LRP1B: variants seen among roughly 807,000 people sequenced by gnomAD.
LRP1B encodes low-density lipoprotein receptor-related protein 1B.
LRP1B carries 217 observed loss-of-function variants against 556.6 expected under a neutral mutation model. The observed-to-expected ratio is 0.39, with a 90% confidence interval of 0.35 to 0.44. LRP1B has a LOEUF of 0.44. Among genes scored for constraint, LRP1B ranks in the 20% least tolerant of loss-of-function variants. The probability of loss-of-function intolerance (pLI) is 1.00; values close to 1 mark genes in which losing one functional copy is unlikely to be tolerated. For missense variants in LRP1B, 5,053 were observed against 5,620.8 expected (o/e 0.90, Z 3.23); for synonymous variants, 2,047 against 1,865.8 (o/e 1.10, Z -2.50).
intron 2 of LRP1B, among the ~76,000 whole-genome samples, chr2:141,605,829 A>G (rs1047417480): frequency 1.1e-4 from 17 of 152,200 alleles, no homozygotes; most frequent in African/African-American, 3.6e-4. Flanking sequence ...CTCATAGTCA[A>G]TGTCAAAAGA....
chr2:140,377,792 GAAGA>G (rs1172271174), intron 68 of LRP1B, among the ~76,000 whole-genome samples: 10 of 152,110 alleles, frequency 6.6e-5, no homozygotes, highest in African/African-American at 2.2e-4. Flanking sequence ...TATATCTATT[GAAGA>G]AAGAGACTGG....
chr2:140,755,948 TA>T, intron 35 of LRP1B, among the ~76,000 whole-genome samples: 1 of 152,096 alleles, frequency 6.6e-6, no homozygotes, highest in South Asian at 2.1e-4. Context: ...TGATCTTGTA[TA>T]GAGAAAATCC....
intron 45 of LRP1B, among the ~76,000 whole-genome samples, chr2:140,537,143 C>A (rs566165488): frequency 4.0e-5 from 6 of 148,982 alleles, no homozygotes; most frequent in African/African-American, 1.5e-4. Context: ...TGCACTCCAG[C>A]CTGGGCAACA....
chr2:140,531,131 C>A (rs1312539043), intron 47 of LRP1B, among the ~76,000 whole-genome samples: 1 of 152,038 alleles, frequency 6.6e-6, no homozygotes, highest in African/African-American at 2.4e-5. Flanking sequence ...CTGGAGAAAA[C>A]CCATAGTAAC....
At chr2:140,936,339 C>CAAAAAAAAAAAA (rs59717868) in intron 20 of LRP1B, among the ~76,000 whole-genome samples, 2 of 86,824 alleles carry the variant, frequency 2.3e-5, no homozygotes, top group Admixed American at 1.4e-4. Context: ...GACTCCGTCT[C>CAAAAAAAAAAAA]AAAAAAAAAA....
intron 1 of LRP1B, among the ~76,000 whole-genome samples, chr2:142,102,290 A>AAATG (rs1706594573): frequency 6.6e-6 from 1 of 151,820 alleles, no homozygotes; most frequent in African/African-American, 2.4e-5. Context: ...ATTCCTCATT[A>AAATG]AATGCCTGAA....
chr2:140,434,029 C>T (rs75804841), intron 66 of LRP1B, among the ~76,000 whole-genome samples: 1,787 of 151,746 alleles, frequency 0.012, 36 homozygotes, highest in African/African-American at 0.041. Context: ...TTCTATGGCC[C>T]TTGAATAGTA....
intron 66 of LRP1B, among the ~76,000 whole-genome samples, chr2:140,430,768 T>C (rs1558877353): frequency 6.6e-6 from 1 of 152,210 alleles, no homozygotes; most frequent in Admixed American, 6.5e-5. Flanking sequence ...TTAGAACATC[T>C]CATTTCCTTT....
intron 77 of LRP1B, among the ~76,000 whole-genome samples, chr2:140,339,782 T>C (rs1317945290): frequency 6.6e-6 from 1 of 151,584 alleles, no homozygotes; most frequent in Non-Finnish European, 1.5e-5. Context: ...CATACAGCAG[T>C]GGAGAAATCC....
At chr2:141,637,360 C>T (rs917679847) in intron 2 of LRP1B, among the ~76,000 whole-genome samples, 6 of 152,140 alleles carry the variant, frequency 3.9e-5, no homozygotes, top group Non-Finnish European at 7.4e-5. Flanking sequence ...ACAGATATTG[C>T]AATTAAAATT....
At chr2:141,129,690 A>G (rs1024840441) in intron 7 of LRP1B, among the ~76,000 whole-genome samples, 1 of 152,064 alleles carries the variant, frequency 6.6e-6, no homozygotes, top group Non-Finnish European at 1.5e-5. Flanking sequence ...TATCTAAAAA[A>G]CCCAAGAGAT....
intron 7 of LRP1B, among the ~76,000 whole-genome samples, chr2:141,173,496 C>T (rs570050011): frequency 6.6e-6 from 1 of 152,126 alleles, no homozygotes; most frequent in African/African-American, 2.4e-5. Flanking sequence ...ACCCATGCTA[C>T]ACATGGCATT....
intron 18 of LRP1B, among the ~76,000 whole-genome samples, chr2:140,976,228 C>G (rs1237388647): frequency 1.3e-5 from 2 of 151,656 alleles, no homozygotes; most frequent in Non-Finnish European, 2.9e-5. Flanking sequence ...CTACTCTTCT[C>G]TTCCTCTCTT....
intron 66 of LRP1B, among the ~76,000 whole-genome samples, chr2:140,392,874 A>G (rs1221602413): frequency 6.6e-6 from 1 of 151,988 alleles, no homozygotes; most frequent in Non-Finnish European, 1.5e-5. Context: ...ATACACCACA[A>G]AGTTTTTCCA....
intron 60 of LRP1B, among the ~76,000 whole-genome samples, chr2:140,469,068 C>A (rs1387859172): frequency 6.6e-6 from 1 of 152,086 alleles, no homozygotes; most frequent in Non-Finnish European, 1.5e-5. Flanking sequence ...CTATTGAGAT[C>A]AAATAAGTGT....
intron 1 of LRP1B, among the ~76,000 whole-genome samples, chr2:142,115,612 ATATATATGTAAT>A (rs1707197506): frequency 3.8e-5 from 1 of 26,426 alleles, no homozygotes; most frequent in African/African-American, 1.1e-4. Context: ...AATATATATT[ATATATATGTAAT>A]ATATATATTA....
chr2:141,301,148 C>T (rs1686378588), intron 3 of LRP1B, among the ~76,000 whole-genome samples: 1 of 152,034 alleles, frequency 6.6e-6, no homozygotes, highest in Admixed American at 6.6e-5. Flanking sequence ...TAAAATTTTT[C>T]ATACTTTACC....
intron 3 of LRP1B, among the ~76,000 whole-genome samples, chr2:141,316,260 G>A (rs1687032260): frequency 1.3e-5 from 2 of 152,028 alleles, no homozygotes; most frequent in African/African-American, 4.8e-5. Flanking sequence ...CAATACATTT[G>A]TCTTTTCAAA....
chr2:141,118,865 A>G (rs1700971869), intron 7 of LRP1B, among the ~76,000 whole-genome samples: 1 of 151,910 alleles, frequency 6.6e-6, no homozygotes, highest in Non-Finnish European at 1.5e-5. Flanking sequence ...CTCAAAACAG[A>G]CATACAAACA....
Sources: gnomAD v4.1 joint callset for allele counts (sites outside exome capture counted in the v4.1 genomes callset) on GRCh38, gnomAD v4.1.1 for gene constraint, MANE v1.5 for transcripts, NCBI Gene and HGNC (gene_info 2026-07-23, HGNC 2026-07-21) for gene names.